Variants in CSMD1 observed in about 807,000 individuals in gnomAD.
CSMD1 encodes the protein CUB and Sushi multiple domains 1.
CSMD1 carries 213 observed loss-of-function variants against 417.5 expected under a neutral mutation model. The ratio of observed to expected loss-of-function variants is 0.51; its 90% CI spans 0.46 to 0.57. The LOEUF (loss-of-function observed/expected upper bound fraction) is 0.57. CSMD1 is among the 20% of genes least tolerant of loss of function. The pLI, the probability that CSMD1 is intolerant of heterozygous loss-of-function variation, is 0.00. For synonymous variants in CSMD1, 2,862 were observed against 1,736.8 expected (o/e 1.65, Z -16.11); for missense variants, 6,923 against 4,529.7 (o/e 1.53, Z -15.17).
At chr8:3,885,687 G>A (rs114304393) in intron 5 of CSMD1, among the ~76,000 whole-genome samples, 155 of 152,148 alleles carry the variant, frequency 1.0e-3, no homozygotes, top group Non-Finnish European at 1.3e-3. Context: ...CAAGCTCACA[G>A]AAATGCACGT....
intron 46 of CSMD1, among the ~76,000 whole-genome samples, chr8:3,097,888 C>G (rs1307893668): frequency 6.6e-6 from 1 of 152,162 alleles, no homozygotes; most frequent in Non-Finnish European, 1.5e-5. Context: ...AGCAGGAGCC[C>G]TGATTCCTAA....
intron 3 of CSMD1, among the ~76,000 whole-genome samples, chr8:4,205,245 C>T (rs773307681): frequency 9.9e-5 from 15 of 152,182 alleles, no homozygotes; most frequent in African/African-American, 3.1e-4. Context: ...ATATCACCTA[C>T]ATTATATCAT....
rs1815346705 is a variant in CSMD1 at position 3,096,914 on chromosome 8, T to C, written c.7073A>G (p.Asn2358Ser). ...SWSIKVEPNYNITIFVDTFQS... is the reference protein window; with the variant it reads ...SWSIKVEPNYSITIFVDTFQS... Reference sequence around the variant, plus strand: ...AAATGTGTCCACAAAGATGGTAATGTTGTAGTTTGGTTCCACTTTAATACT... The same window carrying C: ...AAATGTGTCCACAAAGATGGTAATGCTGTAGTTTGGTTCCACTTTAATACT... The change falls in exon 47 of 70, where the codon AAC (asparagine) becomes AGC (serine). Residue 2358 changes from asparagine (N) to serine (S), a missense_variant. By Grantham distance (46) the Asn-to-Ser change is conservative. Transcript: ENST00000635120. 2.6e-6 allele frequency: 4 copies of C among 1,557,256 alleles called. No individual in the cohort carries two copies. The highest frequency in any genetic ancestry group is 3.5e-6 in the Non-Finnish European group (4 of 1,149,188).
At chr8:3,132,416 T>C (rs983767256) in intron 41 of CSMD1, among the ~76,000 whole-genome samples, 1 of 152,118 alleles carries the variant, frequency 6.6e-6, no homozygotes, top group African/African-American at 2.4e-5. Flanking sequence ...CTTCACAAGT[T>C]ATAAAATACT....
chr8:3,342,891 A>G (rs1045368036), intron 23 of CSMD1, among the ~76,000 whole-genome samples: 22 of 72,202 alleles, frequency 3.0e-4, no homozygotes, highest in Non-Finnish European at 4.4e-4. Flanking sequence ...GTATAAATAT[A>G]TGTGTGTATG....
At chr8:4,122,380 G>C (rs1242398681) in intron 3 of CSMD1, among the ~76,000 whole-genome samples, 3 of 152,128 alleles carry the variant, frequency 2.0e-5, no homozygotes, top group African/African-American at 4.8e-5. Flanking sequence ...CCAACAATTT[G>C]CCAGGCTGTA....
At chr8:4,004,796 G>A (rs1363288420) in intron 4 of CSMD1, among the ~76,000 whole-genome samples, 1 of 152,080 alleles carries the variant, frequency 6.6e-6, no homozygotes, top group Non-Finnish European at 1.5e-5. Flanking sequence ...CCAGGCTGGA[G>A]TGCAGTGGCG....
At chr8:3,887,752 G>A (rs770627092) in intron 5 of CSMD1, among the ~76,000 whole-genome samples, 5 of 152,188 alleles carry the variant, frequency 3.3e-5, no homozygotes, top group African/African-American at 4.8e-5. Context: ...TCAGATTACT[G>A]TAATATCTCC....
chr8:4,689,314 G>C (rs577707073), intron 1 of CSMD1, among the ~76,000 whole-genome samples: 1 of 152,264 alleles, frequency 6.6e-6, no homozygotes, highest in South Asian at 2.1e-4. Flanking sequence ...TTTGGGTTTT[G>C]CTAGTCAAAT....
intron 12 of CSMD1, among the ~76,000 whole-genome samples, chr8:3,423,585 C>G (rs1813632007): frequency 6.6e-6 from 1 of 152,124 alleles, no homozygotes; most frequent in Non-Finnish European, 1.5e-5. Context: ...CCAGCTGACT[C>G]AATGGTCCTC....
intron 3 of CSMD1, among the ~76,000 whole-genome samples, chr8:4,343,731 G>C (rs969366770): frequency 1.3e-5 from 2 of 151,970 alleles, no homozygotes; most frequent in Non-Finnish European, 2.9e-5. Context: ...AGGTCCATAA[G>C]GAAATATCAT....
chr8:4,007,233 C>G (rs1004117316), intron 4 of CSMD1, among the ~76,000 whole-genome samples: 10 of 152,102 alleles, frequency 6.6e-5, no homozygotes, highest in African/African-American at 2.2e-4. Context: ...GTGAACTACT[C>G]AAATCACCAC....
At chr8:3,825,919 G>C (rs968511818) in intron 5 of CSMD1, among the ~76,000 whole-genome samples, 2 of 152,182 alleles carry the variant, frequency 1.3e-5, no homozygotes, top group Non-Finnish European at 1.5e-5. Flanking sequence ...ATGCAGGTAA[G>C]AATTCATTTT....
At chr8:3,956,023 G>C (rs1204303908) in intron 5 of CSMD1, among the ~76,000 whole-genome samples, 1 of 152,158 alleles carries the variant, frequency 6.6e-6, no homozygotes, top group African/African-American at 2.4e-5. Context: ...TCGAACTCCT[G>C]ACCTCAGGTG....
chr8:4,488,334 A>G (rs1801520754), intron 2 of CSMD1, among the ~76,000 whole-genome samples: 2 of 152,106 alleles, frequency 1.3e-5, no homozygotes, highest in Non-Finnish European at 2.9e-5. Context: ...AGTGCTTATG[A>G]TATCCAAGTG....
intron 7 of CSMD1, among the ~76,000 whole-genome samples, chr8:3,687,875 C>T (rs1465558029): frequency 6.6e-6 from 1 of 152,194 alleles, no homozygotes; most frequent in Non-Finnish European, 1.5e-5. Context: ...GACCAGAGTC[C>T]GTACTGATGA....
intron 6 of CSMD1, among the ~76,000 whole-genome samples, chr8:3,709,305 C>A (rs920344232): frequency 6.6e-6 from 1 of 152,068 alleles, no homozygotes; most frequent in Non-Finnish European, 1.5e-5. Context: ...GAGACTGGAC[C>A]TACAGCAGCT....
At chr8:4,734,005 AAAG>A in intron 1 of CSMD1, among the ~76,000 whole-genome samples, 1 of 152,338 alleles carries the variant, frequency 6.6e-6, no homozygotes, top group Middle Eastern at 3.4e-3. Context: ...CTTATCAAAG[AAAG>A]AAGTCCTTCT....
At chr8:4,386,352 C>A (rs570797451) in intron 3 of CSMD1, among the ~76,000 whole-genome samples, 2 of 151,822 alleles carry the variant, frequency 1.3e-5, no homozygotes, top group South Asian at 4.2e-4. Context: ...ACTTCCATCC[C>A]ACTCAAACAA....
Sources: gnomAD v4.1 joint callset for allele counts (sites outside exome capture counted in the v4.1 genomes callset) on GRCh38, gnomAD v4.1.1 for gene constraint, MANE v1.5 for transcripts, NCBI Gene and HGNC (gene_info 2026-07-23, HGNC 2026-07-21) for gene names.